The following TCF4 variants were observed in gnomAD, a reference collection of about 807,000 sequenced individuals.
TCF4 encodes the protein transcription factor 4, also known as SL3-3 enhancer factor 2.
A neutral mutation model predicts 82.1 loss-of-function variants in TCF4; 3 were observed. The observed-to-expected ratio is 0.04, with a 90% CI of 0.02 to 0.09. The LOEUF is 0.09. Among genes scored for constraint, TCF4 ranks in the 10% least tolerant of loss-of-function variants. The pLI, the probability that TCF4 is intolerant of heterozygous loss-of-function variation, is 1.00. For synonymous variants in TCF4, 276 were observed against 309.6 expected, an observed-to-expected ratio of 0.89 and a Z score of 1.14; for missense variants, 518 against 852.7, an observed-to-expected ratio of 0.61 and a Z score of 4.89.
chr18:55,350,269 C>T (rs140293969), intron 8 of TCF4, 90 bp downstream of exon 8: 94 of 1,351,930 alleles, frequency 7.0e-5, no homozygotes, highest in Middle Eastern at 3.6e-4. Context: ...GCTCTGGGCG[C>T]ATGGAAACTC....
chr18:55,369,380 A>G (rs1483976118), intron 6 of TCF4, among the ~76,000 whole-genome samples: 1 of 152,228 alleles, frequency 6.6e-6, no homozygotes, highest in Non-Finnish European at 1.5e-5. Flanking sequence ...TGGAGACACC[A>G]GACTGAAGGT....
chr18:55,423,062 C>T (rs1005874118), intron 5 of TCF4, among the ~76,000 whole-genome samples: 1 of 151,308 alleles, frequency 6.6e-6, no homozygotes, highest in African/African-American at 2.4e-5. Flanking sequence ...AGTCCTGAGG[C>T]CGGACTTTGG....
At chr18:55,470,329 A>C (rs2096146368) in intron 3 of TCF4, among the ~76,000 whole-genome samples, 1 of 152,202 alleles carries the variant, frequency 6.6e-6, no homozygotes, top group Non-Finnish European at 1.5e-5. Flanking sequence ...TAAACAGGTC[A>C]GTGATTTTTA....
intron 3 of TCF4, among the ~76,000 whole-genome samples, chr18:55,475,923 G>A (rs2096279185): frequency 6.6e-6 from 1 of 152,118 alleles, no homozygotes; most frequent in African/African-American, 2.4e-5. Context: ...GAAGGAATTT[G>A]GCCAAGATGA....
chr18:55,608,609 A>T (rs1470740561), intron 2 of TCF4, among the ~76,000 whole-genome samples: 2 of 152,144 alleles, frequency 1.3e-5, no homozygotes, highest in Admixed American at 6.6e-5. Flanking sequence ...TTTATAGAGC[A>T]TGTTAGGCAA....
At position 55,464,083 on chromosome 18, in the gene TCF4, G is replaced by C; in HGVS notation, c.200C>G (p.Pro67Arg). ...GSWGNGGHPS[P>R]SRNYGDGTPY... ...AAGATTAGATATACTTACCCTGGAC[G>C]GGCTTGGATGTCCTCCATTCCCCCA... Residue 67 changes from proline (P) to arginine (R), a missense_variant, in exon 4 of 20, where the codon CCG (proline) becomes CGG (arginine). Pro to Arg is a moderately radical substitution (Grantham distance 103, BLOSUM62 -2). Around this residue, in one of 7 missense-constraint regions of TCF4, gnomAD observed 80 missense variants for 93.8 expected, o/e 0.85. Transcript: ENST00000354452. 1 of 1,613,784 alleles carries C rather than the reference G, an allele frequency of 6.2e-7. No homozygotes were observed. The highest frequency in any genetic ancestry group is 8.5e-7 in the Non-Finnish European group (1 of 1,179,816).
intron 10 of TCF4, among the ~76,000 whole-genome samples, chr18:55,272,051 C>G (rs2060494029): frequency 6.6e-6 from 1 of 151,910 alleles, no homozygotes; most frequent in South Asian, 2.1e-4. Flanking sequence ...TGAAACAAAA[C>G]AGATAATCAC....
chr18:55,285,974 C>T (rs2063583785), intron 8 of TCF4, among the ~76,000 whole-genome samples: 1 of 152,140 alleles, frequency 6.6e-6, no homozygotes, highest in Non-Finnish European at 1.5e-5. Flanking sequence ...TTCTTAAAGT[C>T]TTTTTTTCTA....
At chr18:55,418,166 GAGA>G (rs1451371528) in intron 5 of TCF4, among the ~76,000 whole-genome samples, 1 of 151,898 alleles carries the variant, frequency 6.6e-6, no homozygotes, top group Admixed American at 6.6e-5. Context: ...TTTTCCAAAA[GAGA>G]AGATGTTAAG....
chr18:55,323,554 G>C (rs2076069285), intron 8 of TCF4, among the ~76,000 whole-genome samples: 1 of 152,170 alleles, frequency 6.6e-6, no homozygotes, highest in South Asian at 2.1e-4. Flanking sequence ...GTCCCCAGAG[G>C]TTTGTGTAAA....
intron 15 of TCF4, among the ~76,000 whole-genome samples, chr18:55,236,449 C>A (rs1398865830): frequency 6.7e-6 from 1 of 148,714 alleles, no homozygotes; most frequent in Non-Finnish European, 1.5e-5. Flanking sequence ...GCGTTAAGTA[C>A]AAACCTTTTT....
intron 3 of TCF4, among the ~76,000 whole-genome samples, chr18:55,508,288 C>T (rs2096786488): frequency 6.6e-6 from 1 of 152,216 alleles, no homozygotes; most frequent in Non-Finnish European, 1.5e-5. Flanking sequence ...CCAGGTCTAC[C>T]CGCCCTTTCT....
At chr18:55,308,067 G>T (rs1216077048) in intron 8 of TCF4, among the ~76,000 whole-genome samples, 2 of 152,190 alleles carry the variant, frequency 1.3e-5, no homozygotes, top group African/African-American at 4.8e-5. Flanking sequence ...CGCTAACTGG[G>T]CACATTTGTC....
rs781150808 is a variant in TCF4 at position 55,293,931 on chromosome 18, C to CTTTTTTTTTTTTTT, written c.550-14289_550-14276dup. 8.2e-4 allele frequency among the ~76,000 whole-genome samples: 33 copies of CTTTTTTTTTTTTTT among 40,052 alleles called. 9 individuals carry two copies. Among genetic ancestry groups the CTTTTTTTTTTTTTT allele is most frequent in the East Asian group, 4.2e-3 (3 of 710 alleles). The allele number at this position is 40,052 out of a possible 152,430, so 26.3% of individuals were successfully genotyped here. On this transcript the variant is annotated intron_variant, in intron 8 of 19. Transcript: ENST00000354452. ...TTTCATCTTCTAAACTTTCCAAGGA[C>CTTTTTTTTTTTTTT]TTTTTTTTTTTTTTTTTTTTTTTTT...
intron 5 of TCF4, among the ~76,000 whole-genome samples, chr18:55,437,959 C>T (rs965597169): frequency 6.6e-6 from 1 of 152,052 alleles, no homozygotes; most frequent in African/African-American, 2.4e-5. Context: ...CCAGCACTTT[C>T]GGAGGCCAAG....
chr18:55,550,334 T>G (rs2097249946), intron 3 of TCF4: 1 of 152,214 alleles, frequency 6.6e-6, no homozygotes, highest in Non-Finnish European at 1.5e-5. Flanking sequence ...TCAAAGTCAG[T>G]GACTTTATAT....
intron 6 of TCF4, among the ~76,000 whole-genome samples, chr18:55,399,880 T>TCACACACACACA (rs398041380): frequency 6.3e-5 from 4 of 63,468 alleles, no homozygotes; most frequent in Non-Finnish European, 8.8e-5. Flanking sequence ...TCTCTCTCTC[T>TCACACACACACA]CACACACACA....
intron 3 of TCF4, among the ~76,000 whole-genome samples, chr18:55,497,314 G>A (rs2096648234): frequency 6.6e-6 from 1 of 152,108 alleles, no homozygotes; most frequent in Non-Finnish European, 1.5e-5. Flanking sequence ...AAATGAGCTT[G>A]AATAAGATAT....
chr18:55,441,775 G>A (rs2095442405), intron 5 of TCF4, among the ~76,000 whole-genome samples: 1 of 152,182 alleles, frequency 6.6e-6, no homozygotes, highest in Non-Finnish European at 1.5e-5. Flanking sequence ...ATTAGACTAA[G>A]GGTGCTACAA....
Sources: allele counts gnomAD v4.1 joint callset (sites outside exome capture counted in the v4.1 genomes callset), GRCh38; gene constraint gnomAD v4.1.1; regional missense constraint gnomAD v4.1.1; transcripts MANE v1.5; gene names NCBI Gene and HGNC (gene_info 2026-07-23, HGNC 2026-07-21).